The following PDZRN3 variants were observed in gnomAD, a reference collection of about 807,000 sequenced individuals.
PDZRN3 encodes PDZ domain containing ring finger 3.
A neutral mutation model predicts 85.7 loss-of-function variants in PDZRN3; 38 were observed. The observed-to-expected ratio is 0.44, with a 90% CI of 0.34 to 0.58. The LOEUF (loss-of-function observed/expected upper bound fraction) is 0.58, where lower values mean the gene tolerates loss of function less well. PDZRN3 is among the 20% of genes least tolerant of loss of function. PDZRN3 has a pLI of 0.01. For missense variants in PDZRN3, 1,629 were observed against 1,506.4 expected (o/e 1.08, Z -1.35); for synonymous variants, 759 against 638.0 (o/e 1.19, Z -2.86).
chr3:73,604,267 T>C (rs1011647208), intron 2 of PDZRN3, among the ~76,000 whole-genome samples: 5 of 152,342 alleles, frequency 3.3e-5, no homozygotes, highest in African/African-American at 1.2e-4. Flanking sequence ...AATATATGTA[T>C]AAAGCTGCAA....
intron 1 of PDZRN3, among the ~76,000 whole-genome samples, chr3:73,613,127 T>C (rs897339888): frequency 1.3e-5 from 2 of 152,172 alleles, no homozygotes; most frequent in Admixed American, 6.5e-5. Context: ...TATCTATCTT[T>C]CTCCATGACT....
intron 3 of PDZRN3, among the ~76,000 whole-genome samples, chr3:73,485,594 A>G (rs929840049): frequency 3.9e-5 from 6 of 152,210 alleles, no homozygotes; most frequent in African/African-American, 1.2e-4. Flanking sequence ...AGCATAGGTG[A>G]GAGTATTTTA....
At chr3:73,474,745 G>C (rs747719034) in intron 3 of PDZRN3, 1 of 451,208 alleles carries the variant, frequency 2.2e-6, no homozygotes, top group African/African-American at 2.1e-5. Flanking sequence ...TTCCCCTTGC[G>C]AAGTGAAGGG....
intron 3 of PDZRN3, among the ~76,000 whole-genome samples, chr3:73,597,471 T>C (rs951801432): frequency 1.3e-5 from 2 of 152,196 alleles, no homozygotes; most frequent in East Asian, 1.9e-4. Flanking sequence ...TTATTGGGAA[T>C]AGAGGGCTTA....
chr3:73,537,599 T>C lies in PDZRN3; in HGVS notation c.918+64755A>G, dbSNP rs567864669. On this transcript the variant is annotated intron_variant, in intron 3 of 9. Transcript: ENST00000263666. ...GTTAATGAAAGGCCAATAAGACCTG[T>C]TATCTTCTTTTTTTTAATTAAATTA... Among the ~76,000 whole-genome samples, 5 of 136,270 alleles carry C rather than the reference T, an allele frequency of 3.7e-5. No homozygotes were observed. In the South Asian group the frequency reaches 9.2e-4, roughly 25 times the overall value. The allele number at this position is 136,270 out of a possible 152,430, so 89.4% of individuals were successfully genotyped here.
chr3:73,557,799 T>TAA (rs779772590), intron 3 of PDZRN3, among the ~76,000 whole-genome samples: 6 of 152,256 alleles, frequency 3.9e-5, no homozygotes, highest in Non-Finnish European at 8.8e-5. Flanking sequence ...AAATATCATT[T>TAA]AAAATCACTT....
intron 3 of PDZRN3, among the ~76,000 whole-genome samples, chr3:73,586,442 G>A (rs1006835564): frequency 1.3e-5 from 2 of 152,214 alleles, no homozygotes; most frequent in African/African-American, 4.8e-5. Context: ...CTATTTCGGA[G>A]TCAGGCAACA....
At chr3:73,467,655 T>C (rs1703248320) in intron 3 of PDZRN3, among the ~76,000 whole-genome samples, 1 of 152,208 alleles carries the variant, frequency 6.6e-6, no homozygotes, top group Admixed American at 6.5e-5. Context: ...CTAATCTCAG[T>C]GGGAGATAAG....
chr3:73,433,228 G>T (rs1408870729), intron 3 of PDZRN3, among the ~76,000 whole-genome samples: 1 of 152,200 alleles, frequency 6.6e-6, no homozygotes, highest in Non-Finnish European at 1.5e-5. Flanking sequence ...GTACTGAAAG[G>T]AGCGCCTTAT....
intron 1 of PDZRN3, 118 bp downstream of exon 1, chr3:73,623,985 G>A (rs1702913357): frequency 2.0e-6 from 2 of 1,021,336 alleles, no homozygotes; most frequent in Non-Finnish European, 2.6e-6. Flanking sequence ...GGAAGAAGAG[G>A]GAGGAAGCAA....
chr3:73,449,685 T>A (rs1028281214), intron 3 of PDZRN3, among the ~76,000 whole-genome samples: 1 of 152,198 alleles, frequency 6.6e-6, no homozygotes, highest in East Asian at 1.9e-4. Flanking sequence ...ACAAAAATAA[T>A]TGAATATGTA....
rs1173194200 is a variant in PDZRN3 at position 73,624,519 on chromosome 3, C to T, written c.307G>A (p.Glu103Lys). ...CGCGCGGGCGCGAAGTCGCAGCGCT[C>T]GAGGTGCTCCGGCAGCTGCTGCAGC... is the stretch of plus-strand genomic sequence containing the variant. ...VKLQQLPEHLERCDFAPARCR... is the reference protein window; with the variant it reads ...VKLQQLPEHLKRCDFAPARCR... The change falls in exon 1 of 10, where the codon GAG becomes AAG. Residue 103 changes from glutamate to lysine, a missense_variant. Physicochemically the swap from Glu to Lys is moderately conservative, Grantham distance 56. Transcript: ENST00000263666. 1 of 1,463,260 alleles carries T rather than the reference C, an allele frequency of 6.8e-7. No homozygotes were observed. Among genetic ancestry groups the T allele is most frequent in the Admixed American group, 2.7e-5 (1 of 37,640 alleles). The allele number at this position is 1,463,260 out of a possible 1,614,324, so 90.6% of individuals were successfully genotyped here. A position where few individuals can be genotyped will look rare whatever the true frequency, so the allele number is the denominator to read the frequency against.
At chr3:73,386,683 G>A (rs1701397434) in intron 8 of PDZRN3, among the ~76,000 whole-genome samples, 1 of 152,254 alleles carries the variant, frequency 6.6e-6, no homozygotes, top group African/African-American at 2.4e-5. Context: ...TTGCACTAGA[G>A]TGACAGTCTA....
intron 3 of PDZRN3, among the ~76,000 whole-genome samples, 186 bp downstream of exon 3, chr3:73,602,168 T>C (rs967435650): frequency 6.6e-6 from 1 of 152,204 alleles, no homozygotes; most frequent in African/African-American, 2.4e-5. Flanking sequence ...CTTTTCTACA[T>C]TTAACAAAAA....
intron 3 of PDZRN3, among the ~76,000 whole-genome samples, chr3:73,498,973 A>G (rs1703922942): frequency 1.3e-5 from 2 of 152,168 alleles, no homozygotes; most frequent in South Asian, 4.1e-4. Context: ...CTTCTGAGAT[A>G]CAAGCTGGGG....
At chr3:73,402,430 G>A (rs779953320) in intron 4 of PDZRN3, 5 of 152,226 alleles carry the variant, frequency 3.3e-5, no homozygotes, top group South Asian at 2.1e-4. Flanking sequence ...GCTGGGAGTC[G>A]GGGTCTGACT....
At chr3:73,530,596 T>C (rs970455976) in intron 3 of PDZRN3, among the ~76,000 whole-genome samples, 1 of 152,182 alleles carries the variant, frequency 6.6e-6, no homozygotes, top group Non-Finnish European at 1.5e-5. Flanking sequence ...ATGGCATTCA[T>C]AGCTGAATAT....
intron 5 of PDZRN3, among the ~76,000 whole-genome samples, chr3:73,400,497 C>G (rs540977302): frequency 1.2e-4 from 19 of 152,276 alleles, no homozygotes; most frequent in African/African-American, 4.6e-4. Context: ...GTGAACAAAC[C>G]CTTTTGTTAG....
intron 8 of PDZRN3, 81 bp downstream of exon 8, chr3:73,387,887 C>T: frequency 4.5e-6 from 3 of 670,348 alleles, no homozygotes; most frequent in Non-Finnish European, 2.6e-6. Flanking sequence ...GCAGCCAATA[C>T]TCAGGTGCTC....
Sources: allele counts gnomAD v4.1 joint callset (sites outside exome capture counted in the v4.1 genomes callset), GRCh38; gene constraint gnomAD v4.1.1; transcripts MANE v1.5; gene names NCBI Gene and HGNC (gene_info 2026-07-23, HGNC 2026-07-21).